Variants in MACF1 observed in about 807,000 individuals in gnomAD.
MACF1 encodes microtubule-actin cross-linking factor 1.
In MACF1, 193 loss-of-function variants were observed where a neutral mutation model predicts 854.8. That is an observed-to-expected ratio of 0.23 (90% CI 0.20 to 0.25). MACF1 has a LOEUF of 0.25. Ranked by LOEUF, MACF1 falls within the 10% of genes least tolerant of loss-of-function variation. The pLI is 1.00. For synonymous variants in MACF1, 3,185 were observed against 3,226.7 expected (o/e 0.99, Z 0.44); for missense variants, 7,722 against 8,929.1 (o/e 0.86, Z 5.45).
At chr1:39,314,879 G>A (rs909167474) in intron 26 of MACF1, among the ~76,000 whole-genome samples, 2 of 152,056 alleles carry the variant, frequency 1.3e-5, no homozygotes, top group Non-Finnish European at 2.9e-5. Flanking sequence ...TCTATAGTTC[G>A]AATACTGAGT....
intron 23 of MACF1, 140 bp downstream of exon 23, chr1:39,303,218 T>C (rs534688200): frequency 6.7e-6 from 6 of 899,310 alleles, no homozygotes; most frequent in South Asian, 4.0e-5. Flanking sequence ...ATTGGAGATA[T>C]CAAGTCTCCT....
chr1:39,246,660 G>C (rs1427996229), intron 2 of MACF1, among the ~76,000 whole-genome samples: 2 of 151,052 alleles, frequency 1.3e-5, no homozygotes, highest in South Asian at 4.2e-4. Flanking sequence ...AGGCGCCCAC[G>C]ACCACACCCG....
rs1161298360 is a variant in MACF1, at chr1:39,447,438, C to A, written c.19612C>A (p.Leu6538Met). The A allele has an allele frequency of 6.2e-7, 1 of 1,613,830 alleles. No individual in the cohort carries two copies. The highest frequency in any genetic ancestry group is 1.3e-5 in the African/African-American group (1 of 74,882). Residue 6538 changes from leucine to methionine, a missense_variant, in exon 81 of 101, where the codon CTG becomes ATG. Transcript: ENST00000564288. ...TGTTTTACTTGAAATTCAGTCAAAG[C>A]TGGAAGAGGCCCTCAACTTGGCAAC... ...SSKMEERKSK[L>M]EEALNLATEF...
chr1:39,251,948 C>T lies in MACF1; in HGVS notation c.357+7C>T, dbSNP rs1287256592. 6.7e-7 allele frequency: 1 copy of T among 1,491,940 alleles called. No homozygotes were observed. Among genetic ancestry groups the T allele is most frequent in the Admixed American group, 2.2e-5 (1 of 46,170 alleles). 92.4% of individuals were successfully genotyped at this position (1,491,940 alleles called of 1,614,324 possible). The stretch of plus-strand genomic sequence containing the variant: ...GGAAGATGATGATGATGTAGTAGGT[C>T]CTCCTGGGGATGCCAGCATCCCAGC... On this transcript the variant is annotated splice_region_variant and intron_variant, in intron 4 of 100. Transcript: ENST00000564288.
intron 2 of MACF1, among the ~76,000 whole-genome samples, chr1:39,233,399 T>G (rs1282951387): frequency 1.3e-5 from 2 of 152,194 alleles, no homozygotes; most frequent in African/African-American, 2.4e-5. Flanking sequence ...GCCTCCTATA[T>G]TCATTTCTCT....
At chr1:39,198,758 G>A (rs1204606444) in intron 2 of MACF1, among the ~76,000 whole-genome samples, 1 of 151,990 alleles carries the variant, frequency 6.6e-6, no homozygotes, top group Non-Finnish European at 1.5e-5. Context: ...CCAGGAGATA[G>A]AGGTTGCAGA....
chr1:39,190,401 G>GTTTTTTTTTTTT (rs71057198), intron 2 of MACF1, among the ~76,000 whole-genome samples: 3 of 105,976 alleles, frequency 2.8e-5, no homozygotes, highest in African/African-American at 7.5e-5. Flanking sequence ...GTTTGTTTTT[G>GTTTTTTTTTTTT]TTTTTTTTTT....
At chr1:39,176,034 C>T (rs532958165) in intron 2 of MACF1, among the ~76,000 whole-genome samples, 31 of 144,428 alleles carry the variant, frequency 2.1e-4, no homozygotes, top group African/African-American at 7.7e-4. Context: ...GTCATGAACC[C>T]GGGAGGCGGA....
chr1:39,310,799 C>T (rs772939023), intron 25 of MACF1, 32 bp from the exon 26 acceptor site: 1 of 1,576,964 alleles, frequency 6.3e-7, no homozygotes, highest in Non-Finnish European at 8.6e-7. Context: ...TGATGTCGAG[C>T]TTACTGGTCT....
chr1:39,424,134 C>T lies in MACF1; in HGVS notation c.16256C>T (p.Thr5419Ile), dbSNP rs1643648559. 6.2e-7 allele frequency: 1 copy of T among 1,613,320 alleles called. No homozygotes were observed. The highest frequency in any genetic ancestry group is 2.2e-5 in the East Asian group (1 of 44,816). Residue 5419 changes from threonine to isoleucine, a missense_variant, in exon 61 of 101, where the codon ACT (threonine) becomes ATT (isoleucine). Physicochemically the swap from Thr to Ile is moderately conservative, Grantham distance 89. This residue lies in a region of MACF1 where 2,807 missense variants were observed against 3,235.8 expected (regional missense o/e 0.87). Transcript: ENST00000564288. ...GAGCTGGCTGATAGAGAGAAAATCACTGGACAGCTGGAGAGTCTTGAAAGT... is the reference window on the plus strand; with the variant it reads ...GAGCTGGCTGATAGAGAGAAAATCATTGGACAGCTGGAGAGTCTTGAAAGT... ...SAELADREKI[T>I]GQLESLESRW...
At chr1:39,196,836 G>A (rs16825939) in intron 2 of MACF1, among the ~76,000 whole-genome samples, 24,262 of 152,128 alleles carry the variant, frequency 0.16, 2,407 homozygotes, top group Middle Eastern at 0.22. Flanking sequence ...TAATTCTGGG[G>A]TGTTGCCTTG....
Position 39,334,850 on chromosome 1 carries a change from A to T in MACF1, c.8262A>T (p.Glu2754Asp). Residue 2754 changes from glutamate (E) to aspartate (D), a missense_variant, in exon 37 of 101, where the codon GAA becomes GAT. By Grantham distance (45) the Glu-to-Asp change is conservative. This residue lies in a region of MACF1 where 1,531 missense variants were observed against 1,601.6 expected (regional missense o/e 0.96). Coordinates refer to ENST00000564288, the MANE Select transcript of MACF1 (RefSeq NM_001394062.1). The stretch of plus-strand genomic sequence containing the variant: ...TTGAGAAAAGACTGATCAGCCCTGA[A>T]CTGGCAAATATGATCCAAATAGATA... The part of the protein sequence containing the change: ...EAIEKRLISP[E>D]LANMIQIDSS... 1 of 1,614,188 alleles carries T rather than the reference A, an allele frequency of 6.2e-7. No homozygotes were observed. Among genetic ancestry groups the T allele is most frequent in the Non-Finnish European group, 8.5e-7 (1 of 1,180,020 alleles).
At chr1:39,143,142 T>G (rs1010151341) in intron 2 of MACF1, among the ~76,000 whole-genome samples, 4 of 152,220 alleles carry the variant, frequency 2.6e-5, no homozygotes, top group African/African-American at 9.6e-5. Context: ...TTCTAGATGC[T>G]TATCAAGATA....
chr1:39,448,883 A>G, intron 84 of MACF1, 120 bp downstream of exon 84: 1 of 646,462 alleles, frequency 1.5e-6, no homozygotes, highest in Non-Finnish European at 2.5e-6. Flanking sequence ...TACCATCTTA[A>G]CACCACCAGT....
chr1:39,452,098 G>T, intron 85 of MACF1, 58 bp from the exon 86 acceptor site: 1 of 1,359,674 alleles, frequency 7.4e-7, no homozygotes, highest in South Asian at 1.4e-5. Flanking sequence ...ATTTCCCAGT[G>T]GTTTCTTGGA....
At chr1:39,284,252 T>G in intron 10 of MACF1, 67 bp downstream of exon 10, 1 of 1,584,224 alleles carries the variant, frequency 6.3e-7, no homozygotes, top group South Asian at 1.2e-5. Context: ...AGCTTATCAC[T>G]GCTGGCTTCT....
intron 2 of MACF1, among the ~76,000 whole-genome samples, chr1:39,110,569 A>AAAGT (rs1259041978): frequency 6.6e-6 from 1 of 152,142 alleles, no homozygotes; most frequent in Admixed American, 6.5e-5. Flanking sequence ...TTTTTAGATC[A>AAAGT]AAGTCCTAGA....
chr1:39,386,401 T>C (rs570443222), intron 57 of MACF1, among the ~76,000 whole-genome samples: 6 of 147,828 alleles, frequency 4.1e-5, no homozygotes, highest in Admixed American at 6.7e-5. Context: ...GCTGGGACTA[T>C]AGACACACGC....
chr1:39,251,669 G>A (rs1645041643), intron 3 of MACF1, among the ~76,000 whole-genome samples, 177 bp from the exon 4 acceptor site: 2 of 152,224 alleles, frequency 1.3e-5, no homozygotes, highest in African/African-American at 2.4e-5. Flanking sequence ...CATAAGAAGT[G>A]TTCAATGTAA....
Sources: gnomAD v4.1 joint callset for allele counts (sites outside exome capture counted in the v4.1 genomes callset) on GRCh38, gnomAD v4.1.1 for gene constraint, gnomAD v4.1.1 regional missense constraint, MANE v1.5 for transcripts, NCBI Gene and HGNC (gene_info 2026-07-23, HGNC 2026-07-21) for gene names.